Variants in ARL15 observed in about 807,000 individuals in gnomAD.
ARL15 encodes the protein ARF like GTPase 15.
Under a neutral mutation model 25.2 loss-of-function variants are expected in ARL15, and 19 were observed. The observed-to-expected ratio is 0.75, with a 90% CI of 0.53 to 1.10. The LOEUF (loss-of-function observed/expected upper bound fraction) is 1.10, where lower values mean the gene tolerates loss of function less well. Ranked by LOEUF, ARL15 falls within the 50% of genes least tolerant of loss-of-function variation. The pLI is 0.00. For missense variants in ARL15, 220 were observed against 246.0 expected (o/e 0.89, Z 0.71); for synonymous variants, 94 against 86.8 (o/e 1.08, Z -0.46).
intron 4 of ARL15, among the ~76,000 whole-genome samples, chr5:53,923,192 G>A (rs1290501316): frequency 6.6e-6 from 1 of 152,138 alleles, no homozygotes; most frequent in African/African-American, 2.4e-5. Flanking sequence ...CCATTGGTAA[G>A]GGTGAGTCAG....
At chr5:54,065,678 G>GCAAA (rs144772438) in intron 4 of ARL15, among the ~76,000 whole-genome samples, 2 of 151,422 alleles carry the variant, frequency 1.3e-5, no homozygotes, top group Admixed American at 6.6e-5. Flanking sequence ...AAACAAACAA[G>GCAAA]CAAACAAACA....
intron 1 of ARL15, among the ~76,000 whole-genome samples, chr5:54,191,381 T>C (rs1272401084): frequency 6.6e-6 from 1 of 152,188 alleles, no homozygotes; most frequent in Non-Finnish European, 1.5e-5. Flanking sequence ...GTTATGAAGA[T>C]GTATGCTGGT....
intron 1 of ARL15, among the ~76,000 whole-genome samples, chr5:54,188,444 C>A (rs1171089906): frequency 6.6e-6 from 1 of 152,130 alleles, no homozygotes; most frequent in Non-Finnish European, 1.5e-5. Flanking sequence ...TGGCTCTTCA[C>A]AAGCAAGAAA....
intron 4 of ARL15, among the ~76,000 whole-genome samples, chr5:54,017,933 T>C (rs949272345): frequency 2.0e-5 from 3 of 151,972 alleles, no homozygotes; most frequent in Non-Finnish European, 4.4e-5. Flanking sequence ...CATTACTAGA[T>C]AGATACCATA....
intron 1 of ARL15, among the ~76,000 whole-genome samples, chr5:54,251,407 T>A (rs1447120383): frequency 6.7e-6 from 1 of 150,178 alleles, no homozygotes; most frequent in Non-Finnish European, 1.5e-5. Flanking sequence ...CCAGGCTTTT[T>A]AAAAAGTAAT....
intron 2 of ARL15, among the ~76,000 whole-genome samples, chr5:54,168,470 C>T (rs745741406): frequency 2.0e-5 from 3 of 151,740 alleles, no homozygotes; most frequent in Non-Finnish European, 4.4e-5. Context: ...GTTTTATCTT[C>T]CTTTCCTCTT....
chr5:54,180,004 C>T (rs887441087), intron 1 of ARL15, among the ~76,000 whole-genome samples: 4 of 121,172 alleles, frequency 3.3e-5, no homozygotes, highest in African/African-American at 6.5e-5. Context: ...GGTGACACAG[C>T]GAGACTGTCT....
chr5:53,973,256 T>C (rs1249052756), intron 4 of ARL15, among the ~76,000 whole-genome samples: 2 of 152,036 alleles, frequency 1.3e-5, no homozygotes, highest in Admixed American at 1.3e-4. Context: ...GGCAAAATAG[T>C]GAAGCCCTGT....
At chr5:54,147,507 C>T (rs1753946629) in intron 3 of ARL15, among the ~76,000 whole-genome samples, 1 of 152,188 alleles carries the variant, frequency 6.6e-6, no homozygotes, top group Non-Finnish European at 1.5e-5. Flanking sequence ...TGCTGAACCA[C>T]ACTTCTTCCT....
chr5:54,208,261 A>G (rs989699780), intron 1 of ARL15, among the ~76,000 whole-genome samples: 20 of 152,234 alleles, frequency 1.3e-4, no homozygotes, highest in Non-Finnish European at 2.6e-4. Flanking sequence ...ACTTTTAAAT[A>G]TAAATAGACA....
At position 54,103,162 on chromosome 5, in the gene ARL15, A is replaced by AT. The variant is rs545766519; in HGVS notation, c.462+10039dup. 9.5e-3 allele frequency among the ~76,000 whole-genome samples: 1,423 copies of AT among 150,204 alleles called. 19 individuals are homozygous for AT. Among genetic ancestry groups the AT allele is most frequent in the Middle Eastern group, 0.041 (12 of 294 alleles). On this transcript the variant is annotated intron_variant, in intron 4 of 4. Coordinates refer to ENST00000504924, the MANE Select transcript of ARL15 (RefSeq NM_019087.3). ...TTGTAACCTAGTAAAAAACTTGTAAATTTTTTTTTTGTTGTCAAATATTTA... is the reference window on the plus strand; with the variant it reads ...TTGTAACCTAGTAAAAAACTTGTAAATTTTTTTTTTTGTTGTCAAATATTTA...
At chr5:54,308,020 C>A (rs1473635247) in intron 1 of ARL15, 2 of 152,128 alleles carry the variant, frequency 1.3e-5, no homozygotes, top group Admixed American at 6.5e-5. Flanking sequence ...AAATTGATTT[C>A]TATTCCTCAG....
At chr5:54,197,131 T>C (rs1755572957) in intron 1 of ARL15, among the ~76,000 whole-genome samples, 1 of 152,166 alleles carries the variant, frequency 6.6e-6, no homozygotes, top group Non-Finnish European at 1.5e-5. Flanking sequence ...TTGTTTTTTT[T>C]TTATTTTTTT....
At chr5:53,916,049 G>A (rs977281640) in intron 4 of ARL15, among the ~76,000 whole-genome samples, 4 of 152,056 alleles carry the variant, frequency 2.6e-5, no homozygotes, top group African/African-American at 9.7e-5. Context: ...TGGGACTGCA[G>A]GCACACACTA....
chr5:54,242,175 A>G (rs760468836), intron 1 of ARL15, among the ~76,000 whole-genome samples: 21 of 152,158 alleles, frequency 1.4e-4, no homozygotes, highest in African/African-American at 2.2e-4. Flanking sequence ...ACACGCACAC[A>G]CACACACACA....
At chr5:54,117,405 A>C (rs1308437552) in intron 3 of ARL15, among the ~76,000 whole-genome samples, 1 of 150,904 alleles carries the variant, frequency 6.6e-6, no homozygotes, top group Non-Finnish European at 1.5e-5. Flanking sequence ...ACACACACAC[A>C]CAAACCCAAA....
intron 1 of ARL15, among the ~76,000 whole-genome samples, chr5:54,268,540 G>A (rs182128929): frequency 3.9e-5 from 6 of 152,274 alleles, no homozygotes; most frequent in African/African-American, 9.6e-5. Context: ...GAGGAGAGGC[G>A]CTCTGCTTTT....
At chr5:53,887,811 T>C (rs1217753230) in intron 4 of ARL15, among the ~76,000 whole-genome samples, 1 of 152,170 alleles carries the variant, frequency 6.6e-6, no homozygotes, top group Admixed American at 6.5e-5. Flanking sequence ...GAAAAAAAAG[T>C]ATCTCCACTT....
chr5:54,115,846 G>C (rs1400119497), intron 3 of ARL15, among the ~76,000 whole-genome samples: 1 of 152,138 alleles, frequency 6.6e-6, no homozygotes, highest in Non-Finnish European at 1.5e-5. Context: ...TACTTAGGTG[G>C]TGGTGGAACT....
Sources: gnomAD v4.1 joint callset for allele counts (sites outside exome capture counted in the v4.1 genomes callset) on GRCh38, gnomAD v4.1.1 for gene constraint, MANE v1.5 for transcripts, NCBI Gene and HGNC (gene_info 2026-07-23, HGNC 2026-07-21) for gene names.